TG: variants seen among roughly 807,000 people sequenced by gnomAD.
TG encodes thyroglobulin.
A neutral mutation model predicts 324.7 loss-of-function variants in TG; 270 were observed. The observed-to-expected ratio is 0.83, with a 90% CI of 0.75 to 0.92. TG has a LOEUF of 0.92. TG is among the 40% of genes least tolerant of loss of function. TG has a pLI of 0.00. For missense variants in TG, 3,591 were observed against 3,456.4 expected (o/e 1.04, Z -0.98); for synonymous variants, 1,401 against 1,327.0 (o/e 1.06, Z -1.21).
rs116212650 is a variant in TG, at chr8:132,906,547, G to A, written c.3635-141G>A. ...AGAAAGGGGAGCAGGCCCAGGCCAGGCCCTGAGAGCTTGACAGGTCCAGGG... is the reference window on the plus strand; with the variant it reads ...AGAAAGGGGAGCAGGCCCAGGCCAGACCCTGAGAGCTTGACAGGTCCAGGG... On this transcript the variant is annotated intron_variant, in intron 16 of 47. Coordinates refer to ENST00000220616, the MANE Select transcript of TG (RefSeq NM_003235.5). 4,254 of 930,586 alleles carry A rather than the reference G, an allele frequency of 4.6e-3. 126 individuals are homozygous for A. The African/African-American group carries it at 0.062, about 14-fold the overall frequency. 57.6% of individuals were successfully genotyped at this position (930,586 alleles called of 1,614,324 possible). A position where few individuals can be genotyped will look rare whatever the true frequency, so the allele number is the denominator to read the frequency against.
chr8:132,908,345 A>G lies in TG; in HGVS notation c.4002+5A>G, dbSNP rs199556451. ...CGCGGCTTCTGCCAGATCCAGGTAC[A>G]TGCCTGGCCTTCCCCACAGTGAGGG... On this transcript the variant is annotated splice_donor_5th_base_variant and intron_variant, in intron 18 of 47. Coordinates refer to ENST00000220616, the MANE Select transcript of TG (RefSeq NM_003235.5). 3.7e-6 allele frequency: 6 copies of G among 1,612,280 alleles called. No homozygotes were observed. Among genetic ancestry groups the G allele is most frequent in the African/African-American group, 2.7e-5 (2 of 74,872 alleles).
intron 41 of TG, among the ~76,000 whole-genome samples, chr8:133,046,871 G>A (rs565752751): frequency 6.6e-6 from 1 of 152,152 alleles, no homozygotes; most frequent in Admixed American, 6.5e-5. Flanking sequence ...TTTGGTGAAG[G>A]GCTCTAGCAC....
intron 35 of TG, among the ~76,000 whole-genome samples, chr8:132,986,001 T>C (rs142798881): frequency 7.9e-4 from 121 of 152,316 alleles, no homozygotes; most frequent in African/African-American, 2.8e-3. Context: ...AACAATACTA[T>C]AGTATTTTTC....
At chr8:133,034,527 G>A (rs143268652) in intron 41 of TG, among the ~76,000 whole-genome samples, 1 of 152,280 alleles carries the variant, frequency 6.6e-6, no homozygotes, top group African/African-American at 2.4e-5. Context: ...GATTTTCTAT[G>A]AAGTTTCCTC....
rs1852103735 is a variant in TG at position 133,133,504 on chromosome 8, G to C, written c.8032G>C (p.Val2678Leu). 2 of 1,614,108 alleles carry C rather than the reference G, an allele frequency of 1.2e-6. No homozygotes were observed. Among genetic ancestry groups the C allele is most frequent in the Non-Finnish European group, 1.7e-6 (2 of 1,180,044 alleles). Residue 2678 changes from valine to leucine, a missense_variant, in exon 47 of 48, where the codon GTA (valine) becomes CTA (leucine). Physicochemically the swap from Val to Leu is conservative, Grantham distance 32 (BLOSUM62 1). Coordinates refer to ENST00000220616, the MANE Select transcript of TG (RefSeq NM_003235.5). ...CTACCCTTATGAGTTCTCACGGAAA[G>C]TACCCACATTTGCAACCCCCTGGCC... is the stretch of plus-strand genomic sequence containing the variant. ...PNYPYEFSRK[V>L]PTFATPWPDF... is the part of the protein sequence containing the mutation.
At chr8:133,090,848 T>C (rs1847392816) in intron 41 of TG, among the ~76,000 whole-genome samples, 1 of 152,090 alleles carries the variant, frequency 6.6e-6, no homozygotes, top group Admixed American at 6.5e-5. Context: ...CCATGAGCTT[T>C]TTACTTTGCT....
In TG at chr8:132,911,472, T is replaced by A; in HGVS notation, c.4098T>A (p.Val1366=). The A allele has an allele frequency of 6.2e-7, 1 of 1,614,208 alleles. No homozygotes were observed. Among genetic ancestry groups the A allele is most frequent in the Non-Finnish European group, 8.5e-7 (1 of 1,180,030 alleles). Residue 1366 remains valine, a synonymous_variant, in exon 19 of 48, where the codon GTT becomes GTA. Transcript: ENST00000220616. The part of the protein sequence containing the change: ...CLTRERLGVN[V]TWKSRLEDIP... ...CCAGGGAGCGTTTAGGAGTGAATGT[T>A]ACATGGAAATCACGGCTTGAGGACA... is the stretch of plus-strand genomic sequence containing the variant.
chr8:132,966,530 C>T (rs1828591919), intron 29 of TG, 30 bp from the exon 30 acceptor site: 1 of 1,613,356 alleles, frequency 6.2e-7, no homozygotes, highest in African/African-American at 1.3e-5. Flanking sequence ...GTTAAAGGTG[C>T]AGGAAGTTGA....
chr8:133,113,546 T>A lies in TG; in HGVS notation c.7697T>A (p.Leu2566Gln), dbSNP rs753803011. Residue 2566 changes from leucine (L) to glutamine (Q), a missense_variant, in exon 44 of 48, where the codon CTG (leucine) becomes CAG (glutamine). Transcript: ENST00000220616. ...VEAAATWYYS[L>Q]EHSTDDYASF... ...GCTGCTGCTACATGGTATTACTCTC[T>A]GGAGCACTCCACGGATGACTATGCC... 1.2e-6 allele frequency: 2 copies of A among 1,614,174 alleles called. No homozygotes were observed. The highest frequency in any genetic ancestry group is 1.7e-6 in the Non-Finnish European group (2 of 1,180,016).
At chr8:133,108,735 C>T (rs1029933522) in intron 43 of TG, among the ~76,000 whole-genome samples, 16 of 152,326 alleles carry the variant, frequency 1.1e-4, no homozygotes, top group Admixed American at 5.2e-4. Context: ...TCATTCAATG[C>T]ATATTTACCT....
intron 8 of TG, 79 bp downstream of exon 8, chr8:132,883,078 C>T: frequency 6.7e-7 from 1 of 1,496,870 alleles, no homozygotes; most frequent in East Asian, 2.4e-5. Context: ...CCTCTCTGGA[C>T]CCCATTAATT....
chr8:133,116,148 A>G (rs1338462558), intron 44 of TG, among the ~76,000 whole-genome samples: 1 of 152,202 alleles, frequency 6.6e-6, no homozygotes, highest in Non-Finnish European at 1.5e-5. Flanking sequence ...AGCTGAGGGT[A>G]CCACATGCTT....
intron 5 of TG, among the ~76,000 whole-genome samples, chr8:132,879,841 G>A (rs1814401717): frequency 1.3e-5 from 2 of 152,248 alleles, no homozygotes; most frequent in African/African-American, 4.8e-5. Context: ...GAGGGGCTCT[G>A]ACCATAAAGT....
intron 41 of TG, among the ~76,000 whole-genome samples, chr8:133,088,075 G>T (rs1251660563): frequency 3.9e-5 from 6 of 152,222 alleles, no homozygotes. Context: ...GGAGTTTAAA[G>T]GAGCCAATAG....
intron 21 of TG, among the ~76,000 whole-genome samples, chr8:132,920,878 T>C (rs746994443): frequency 6.6e-6 from 1 of 152,228 alleles, no homozygotes; most frequent in Non-Finnish European, 1.5e-5. Flanking sequence ...AAGGGTGTCT[T>C]AGGTCAGGCT....
At chr8:132,937,801 G>C (rs1823827240) in intron 25 of TG, among the ~76,000 whole-genome samples, 1 of 151,380 alleles carries the variant, frequency 6.6e-6, no homozygotes, top group South Asian at 2.1e-4. Context: ...CCTAGTGTTT[G>C]TTATTTTTAT....
chr8:132,986,514 T>A (rs1831576059), intron 35 of TG, among the ~76,000 whole-genome samples: 1 of 152,110 alleles, frequency 6.6e-6, no homozygotes, highest in Non-Finnish European at 1.5e-5. Context: ...GTCTTCTATG[T>A]TCCTACTCTC....
chr8:132,964,590 C>G (rs1490285113), intron 29 of TG: 2 of 318,762 alleles, frequency 6.3e-6, no homozygotes, highest in Non-Finnish European at 1.2e-5. Flanking sequence ...AGGAAGCCAA[C>G]GAGAGTGATT....
intron 5 of TG, among the ~76,000 whole-genome samples, chr8:132,875,945 C>T (rs1278103455): frequency 1.3e-5 from 2 of 152,044 alleles, no homozygotes; most frequent in Admixed American, 6.6e-5. Context: ...CTAAGCTTAG[C>T]GACTCAGGTT....
Sources: gnomAD v4.1 joint callset for allele counts (sites outside exome capture counted in the v4.1 genomes callset) on GRCh38, gnomAD v4.1.1 for gene constraint, MANE v1.5 for transcripts, NCBI Gene and HGNC (gene_info 2026-07-23, HGNC 2026-07-21) for gene names.